Variants in LDLRAD4 observed in about 807,000 individuals in gnomAD.
The protein encoded by LDLRAD4 is low density lipoprotein receptor class A domain containing 4, also known as low-density lipoprotein receptor class A domain-containing protein 4.
LDLRAD4 carries 5 observed loss-of-function variants against 17.0 expected under a neutral mutation model. That is an observed-to-expected ratio of 0.29 (90% CI 0.15 to 0.62). The LOEUF (loss-of-function observed/expected upper bound fraction) is 0.62, where lower values mean the gene tolerates loss of function less well. Ranked by LOEUF, LDLRAD4 falls within the 20% of genes least tolerant of loss-of-function variation. The pLI is 0.84. For synonymous variants in LDLRAD4, 168 were observed against 171.8 expected (o/e 0.98, Z 0.17); for missense variants, 340 against 424.7 (o/e 0.80, Z 1.75).
intron 3 of LDLRAD4, among the ~76,000 whole-genome samples, chr18:13,441,799 G>A (rs1162531443): frequency 6.6e-6 from 1 of 152,208 alleles, no homozygotes; most frequent in Non-Finnish European, 1.5e-5. Flanking sequence ...AAATGTGTTT[G>A]GAGCCCAGGC....
At chr18:13,455,743 C>T (rs1378861496) in intron 3 of LDLRAD4, among the ~76,000 whole-genome samples, 1 of 152,138 alleles carries the variant, frequency 6.6e-6, no homozygotes, top group Non-Finnish European at 1.5e-5. Flanking sequence ...GCAACCTCCC[C>T]TTCAGCTGCA....
At chr18:13,453,528 C>T (rs1232442181) in intron 3 of LDLRAD4, among the ~76,000 whole-genome samples, 1 of 149,846 alleles carries the variant, frequency 6.7e-6, no homozygotes, top group African/African-American at 2.4e-5. Flanking sequence ...TCACTTGTGA[C>T]GCAAAAAAAA....
chr18:13,365,286 C>A (rs1057277249), intron 1 of LDLRAD4, among the ~76,000 whole-genome samples: 4 of 152,112 alleles, frequency 2.6e-5, no homozygotes, highest in African/African-American at 9.7e-5. Flanking sequence ...TAGAAAGCTC[C>A]GTTAACTAAG....
rs370211008 is a variant in LDLRAD4, at chr18:13,441,419, G to A, written c.181+3035G>A. Reference sequence around the variant, plus strand: ...CGAACTCTTGTCTATGAAGTGCCATGCTTCAGAAAGGCGATGCCTCATTCT... The same window carrying A: ...CGAACTCTTGTCTATGAAGTGCCATACTTCAGAAAGGCGATGCCTCATTCT... On this transcript the variant is annotated intron_variant, in intron 3 of 5. Transcript: ENST00000359446. Among the ~76,000 whole-genome samples the A allele has an allele frequency of 5.3e-5, 8 of 152,326 alleles. No individual in the cohort carries two copies. In the East Asian group the frequency reaches 1.5e-3, roughly 29 times the overall value.
chr18:13,550,814 C>T (rs2094425494), intron 3 of LDLRAD4, among the ~76,000 whole-genome samples: 1 of 152,156 alleles, frequency 6.6e-6, no homozygotes, highest in Non-Finnish European at 1.5e-5. Context: ...GTGTCCAGAA[C>T]CTGGCTCCAA....
chr18:13,375,371 T>C (rs2144953555), intron 1 of LDLRAD4, among the ~76,000 whole-genome samples: 1 of 152,372 alleles, frequency 6.6e-6, no homozygotes, highest in South Asian at 2.1e-4. Context: ...TTGTATGGTT[T>C]TATTGAACAT....
intron 1 of LDLRAD4, among the ~76,000 whole-genome samples, chr18:13,339,988 C>T (rs1418787504): frequency 6.6e-6 from 1 of 152,136 alleles, no homozygotes; most frequent in Admixed American, 6.5e-5. Flanking sequence ...TCTACTTTCT[C>T]TATGAATTTG....
intron 3 of LDLRAD4, among the ~76,000 whole-genome samples, chr18:13,594,275 C>T (rs866009737): frequency 1.3e-5 from 2 of 152,264 alleles, no homozygotes; most frequent in Middle Eastern, 3.4e-3. Context: ...CTGTCACTCT[C>T]AGCTGCCACT....
intron 2 of LDLRAD4, among the ~76,000 whole-genome samples, chr18:13,429,654 G>T (rs190349817): frequency 5.4e-4 from 83 of 152,322 alleles, no homozygotes; most frequent in African/African-American, 1.8e-3. Flanking sequence ...TAGAACATAA[G>T]ACTTTTAGGT....
chr18:13,650,404 G>C (rs796903613), exon 6 of LDLRAD4: 6 of 398,866 alleles, frequency 1.5e-5, no homozygotes, highest in African/African-American at 1.2e-4. Flanking sequence ...GAGAGGGTTA[G>C]AGCTATAGAG....
chr18:13,432,289 C>T (rs968758796), intron 2 of LDLRAD4, among the ~76,000 whole-genome samples: 2 of 152,228 alleles, frequency 1.3e-5, no homozygotes, highest in African/African-American at 4.8e-5. Flanking sequence ...AGCTAAAGCA[C>T]TACTTTCTGG....
intron 3 of LDLRAD4, among the ~76,000 whole-genome samples, chr18:13,451,558 C>G (rs2091838385): frequency 6.6e-6 from 1 of 152,194 alleles, no homozygotes; most frequent in Non-Finnish European, 1.5e-5. Context: ...TTATAAATTA[C>G]CCAATCTCAG....
At chr18:13,516,349 G>A (rs2093866454) in intron 3 of LDLRAD4, among the ~76,000 whole-genome samples, 1 of 152,194 alleles carries the variant, frequency 6.6e-6, no homozygotes, top group Non-Finnish European at 1.5e-5. Flanking sequence ...TCCTAGAGGA[G>A]CCCTCGTGCC....
intron 2 of LDLRAD4, among the ~76,000 whole-genome samples, chr18:13,393,300 T>G (rs1016466236): frequency 6.6e-6 from 1 of 152,102 alleles, no homozygotes; most frequent in Admixed American, 6.5e-5. Flanking sequence ...TAAATCAGTT[T>G]CTTTACTACA....
At chr18:13,607,638 C>A (rs1328473002) in intron 3 of LDLRAD4, among the ~76,000 whole-genome samples, 1 of 152,034 alleles carries the variant, frequency 6.6e-6, no homozygotes, top group East Asian at 1.9e-4. Context: ...ATGTTCCCCT[C>A]CTTGTGTCCA....
chr18:13,224,003 A>G (rs2041611776), intron 1 of LDLRAD4, among the ~76,000 whole-genome samples: 1 of 152,162 alleles, frequency 6.6e-6, no homozygotes. Flanking sequence ...TCTTGTCCCC[A>G]TACAGGTCCC....
At chr18:13,276,928 G>A (rs547473887), upstream of LDLRAD4, among the ~76,000 whole-genome samples, 38 of 152,258 alleles carry the variant, frequency 2.5e-4, no homozygotes, top group South Asian at 2.9e-3. Context: ...AAATCTGAGC[G>A]TTTGCGTCCT....
intron 4 of LDLRAD4, among the ~76,000 whole-genome samples, chr18:13,641,151 G>A (rs761003540): frequency 1.3e-5 from 2 of 152,212 alleles, no homozygotes; most frequent in Non-Finnish European, 2.9e-5. Context: ...GAATTTCCCA[G>A]AGAGGAGGAG....
intron 3 of LDLRAD4, among the ~76,000 whole-genome samples, chr18:13,581,525 A>G (rs2094857518): frequency 6.6e-6 from 1 of 152,232 alleles, no homozygotes; most frequent in Admixed American, 6.5e-5. Context: ...TCATGCAGTT[A>G]TAAAAAGAAA....
Sources: gnomAD v4.1 joint callset for allele counts (sites outside exome capture counted in the v4.1 genomes callset) on GRCh38, gnomAD v4.1.1 for gene constraint, MANE v1.5 for transcripts, NCBI Gene and HGNC (gene_info 2026-07-23, HGNC 2026-07-21) for gene names.